CNTN4: variants seen among roughly 807,000 people sequenced by gnomAD.
CNTN4 encodes contactin-4.
CNTN4 carries 77 observed loss-of-function variants against 122.5 expected under a neutral mutation model. That is an observed-to-expected ratio of 0.63 (90% CI 0.52 to 0.76). The LOEUF is 0.76. Among genes scored for constraint, CNTN4 ranks in the 30% least tolerant of loss-of-function variants. The pLI is 0.00. For missense variants in CNTN4, 1,256 were observed against 1,259.1 expected, an observed-to-expected ratio of 1.00 and a Z score of 0.04; for synonymous variants, 512 against 447.0, an observed-to-expected ratio of 1.15 and a Z score of -1.83.
chr3:2,736,325 C>T lies in CNTN4; in HGVS notation c.166C>T (p.Pro56Ser), dbSNP rs758736193. ...GCTCAATTGTGAAGTTAAAGGAAATCCAAAACCTCATATCAGGTTTGTTGA... is the reference window on the plus strand; with the variant it reads ...GCTCAATTGTGAAGTTAAAGGAAATTCAAAACCTCATATCAGGTTTGTTGA... ...VKLNCEVKGN[P>S]KPHIRWKLNG... Residue 56 changes from proline (P) to serine (S), a missense_variant, in exon 5 of 25, where the codon CCA becomes TCA. Physicochemically the swap from Pro to Ser is moderately conservative, Grantham distance 74 (BLOSUM62 -1). Transcript: ENST00000418658. 4 of 1,613,676 alleles carry T rather than the reference C, an allele frequency of 2.5e-6. No homozygotes were observed. Among genetic ancestry groups the T allele is most frequent in the Non-Finnish European group, 3.4e-6 (4 of 1,179,770 alleles).
intron 17 of CNTN4, among the ~76,000 whole-genome samples, chr3:3,035,745 G>C (rs1260235098): frequency 6.6e-6 from 1 of 152,112 alleles, no homozygotes; most frequent in Non-Finnish European, 1.5e-5. Flanking sequence ...TTTTTGTAGA[G>C]ACAGGTCTTG....
At chr3:2,102,206 A>G (rs1326671134) in intron 2 of CNTN4, among the ~76,000 whole-genome samples, 1 of 152,196 alleles carries the variant, frequency 6.6e-6, no homozygotes, top group East Asian at 1.9e-4. Flanking sequence ...TTGGAAGGAC[A>G]CTTTCCACAT....
In CNTN4 at chr3:2,736,288, G is replaced by GA; in HGVS notation, c.135dup (p.Val46SerfsTer6). 1 of 1,613,458 alleles carries GA rather than the reference G, an allele frequency of 6.2e-7. No individual in the cohort carries two copies. Among genetic ancestry groups the GA allele is most frequent in the Non-Finnish European group, 8.5e-7 (1 of 1,179,682 alleles). The stretch of plus-strand genomic sequence containing the variant: ...TAATGTTCCCTTTGGATTCTGAGGA[G>GA]AAAAAAGTGAAGCTCAATTGTGAAG... On this transcript the variant is annotated frameshift_variant, in exon 5 of 25. Transcript: ENST00000418658. LOFTEE classifies it high-confidence loss of function.
intron 3 of CNTN4, among the ~76,000 whole-genome samples, chr3:2,494,473 G>C (rs2076400675): frequency 6.6e-6 from 1 of 152,158 alleles, no homozygotes; most frequent in African/African-American, 2.4e-5. Context: ...GTTAAGATAA[G>C]GGGCCTTGTT....
intron 2 of CNTN4, among the ~76,000 whole-genome samples, chr3:2,335,105 G>C (rs971585303): frequency 3.9e-5 from 6 of 152,156 alleles, no homozygotes; most frequent in Non-Finnish European, 7.4e-5. Context: ...TATGTTGACA[G>C]CAGCTGATTT....
intron 2 of CNTN4, among the ~76,000 whole-genome samples, chr3:2,154,758 C>A (rs950546973): frequency 2.6e-5 from 4 of 152,184 alleles, no homozygotes; most frequent in Non-Finnish European, 4.4e-5. Flanking sequence ...CAGAGGTTCC[C>A]ATGGGAACCA....
intron 6 of CNTN4, among the ~76,000 whole-genome samples, chr3:2,752,654 T>C (rs2090151652): frequency 6.6e-6 from 1 of 152,018 alleles, no homozygotes; most frequent in African/African-American, 2.4e-5. Context: ...CCCAGCTGAG[T>C]AAATTGTTCT....
intron 3 of CNTN4, among the ~76,000 whole-genome samples, chr3:2,524,690 C>G (rs2077338538): frequency 6.6e-6 from 1 of 151,994 alleles, no homozygotes; most frequent in Non-Finnish European, 1.5e-5. Flanking sequence ...CACTTTTTGT[C>G]CATCTCCTCT....
At chr3:2,584,917 G>GATAGATAGATAGA (rs1559269659) in intron 4 of CNTN4, among the ~76,000 whole-genome samples, 6 of 151,148 alleles carry the variant, frequency 4.0e-5, no homozygotes, top group African/African-American at 1.2e-4. Flanking sequence ...AGGTAGGTAG[G>GATAGATAGATAGA]TAGATAGATA....
At chr3:2,245,527 C>G (rs1400326284) in intron 2 of CNTN4, among the ~76,000 whole-genome samples, 1 of 151,994 alleles carries the variant, frequency 6.6e-6, no homozygotes, top group Non-Finnish European at 1.5e-5. Flanking sequence ...TTTCCAATAA[C>G]TCCTATTGCA....
chr3:2,171,643 AGAGATATTCT>A (rs1251004543), intron 2 of CNTN4, among the ~76,000 whole-genome samples: 4 of 152,240 alleles, frequency 2.6e-5, no homozygotes, highest in African/African-American at 9.6e-5. Flanking sequence ...ACCAATTCTT[AGAGATATTCT>A]GAATGACATA....
At chr3:2,824,673 A>G (rs1041423027) in intron 7 of CNTN4, among the ~76,000 whole-genome samples, 10 of 151,940 alleles carry the variant, frequency 6.6e-5, no homozygotes, top group Non-Finnish European at 1.3e-4. Flanking sequence ...CTATTTACTT[A>G]TTTTTTGAAA....
intron 6 of CNTN4, among the ~76,000 whole-genome samples, chr3:2,791,136 T>G (rs1386868401): frequency 3.9e-5 from 6 of 152,240 alleles, no homozygotes; most frequent in Admixed American, 3.9e-4. Context: ...ATTATTAAAA[T>G]GAGTTTTATC....
intron 4 of CNTN4, among the ~76,000 whole-genome samples, chr3:2,641,367 C>A (rs2619577): frequency 0.019 from 2,921 of 152,058 alleles, 85 homozygotes; most frequent in African/African-American, 0.067. Flanking sequence ...TTTTTGTAGA[C>A]GTGAAAGCAG....
intron 2 of CNTN4, among the ~76,000 whole-genome samples, chr3:2,116,858 G>A (rs920966165): frequency 2.6e-5 from 4 of 152,194 alleles, no homozygotes; most frequent in Non-Finnish European, 2.9e-5. Context: ...TTAATCGATC[G>A]ATCTGGGGTT....
chr3:2,472,099 C>G (rs2075702737), intron 3 of CNTN4, among the ~76,000 whole-genome samples: 2 of 149,850 alleles, frequency 1.3e-5, no homozygotes, highest in South Asian at 4.2e-4. Context: ...CCTGTAATCC[C>G]AGCTACTCAG....
Position 2,414,054 on chromosome 3 carries a change from A to G in CNTN4, c.-89+74821A>G, listed in dbSNP as rs141220424. On this transcript the variant is annotated intron_variant, in intron 3 of 24. Transcript: ENST00000418658. ...GCTAAACCTCCATCACCCCATAGACAGTGGGGACAGTGCCTCCAGCATACG... is the reference window on the plus strand; with the variant it reads ...GCTAAACCTCCATCACCCCATAGACGGTGGGGACAGTGCCTCCAGCATACG... Among the ~76,000 whole-genome samples the G allele has an allele frequency of 1.8e-3, 268 of 152,272 alleles. 2 individuals carry two copies. Among genetic ancestry groups the G allele is most frequent in the African/African-American group, 5.9e-3 (244 of 41,574 alleles).
intron 4 of CNTN4, among the ~76,000 whole-genome samples, chr3:2,701,254 A>G (rs945112424): frequency 6.6e-6 from 1 of 152,146 alleles, no homozygotes; most frequent in East Asian, 1.9e-4. Flanking sequence ...CCACTCTACA[A>G]AATGCATCCA....
intron 2 of CNTN4, among the ~76,000 whole-genome samples, chr3:2,275,736 A>C (rs1627906): frequency 6.6e-6 from 1 of 151,818 alleles, no homozygotes; most frequent in Non-Finnish European, 1.5e-5. Flanking sequence ...CCTGGCCAAC[A>C]TGATGAAACC....
Sources: allele counts gnomAD v4.1 joint callset (sites outside exome capture counted in the v4.1 genomes callset), GRCh38; gene constraint gnomAD v4.1.1; transcripts MANE v1.5; gene names NCBI Gene and HGNC (gene_info 2026-07-23, HGNC 2026-07-21).